SLC44A5: variants seen among roughly 807,000 people sequenced by gnomAD.
SLC44A5 encodes solute carrier family 44 member 5, also known as choline transporter-like protein 5.
In SLC44A5, 57 loss-of-function variants were observed where a neutral mutation model predicts 101.8. The ratio of observed to expected loss-of-function variants is 0.56; its 90% CI spans 0.45 to 0.70. The LOEUF is 0.70. Among genes scored for constraint, SLC44A5 ranks in the 30% least tolerant of loss-of-function variants. SLC44A5 has a pLI of 0.00. For synonymous variants in SLC44A5, 281 were observed against 290.9 expected, an observed-to-expected ratio of 0.97 and a Z score of 0.35; for missense variants, 737 against 853.1, an observed-to-expected ratio of 0.86 and a Z score of 1.70.
At position 75,203,671 on chromosome 1, in the gene SLC44A5, G is replaced by C; in HGVS notation, c.*56C>G. On this transcript the variant is annotated 3_prime_UTR_variant, in exon 24 of 24. Coordinates refer to ENST00000370859, the MANE Select transcript of SLC44A5 (RefSeq NM_001130058.2). ...GCACTTATGAAACAAATGTTGCACA[G>C]ACACAGCAGATGGAGAAAAGGTAAC... 1 of 1,509,410 alleles carries C rather than the reference G, an allele frequency of 6.6e-7. No individual in the cohort carries two copies. The highest frequency in any genetic ancestry group is 1.3e-5 in the South Asian group (1 of 76,318). The allele number at this position is 1,509,410 out of a possible 1,614,324, so 93.5% of individuals were successfully genotyped here.
chr1:75,311,626 C>A, intron 4 of SLC44A5: 1 of 944,488 alleles, frequency 1.1e-6, no homozygotes, highest in Middle Eastern at 5.4e-4. Flanking sequence ...TATTTTGTGC[C>A]GGATACTGTG....
At chr1:75,502,421 G>A (rs1669010157) in intron 2 of SLC44A5, among the ~76,000 whole-genome samples, 1 of 152,158 alleles carries the variant, frequency 6.6e-6, no homozygotes, top group African/African-American at 2.4e-5. Flanking sequence ...CCTTAACATG[G>A]CCTCATGGGA....
intron 2 of SLC44A5, among the ~76,000 whole-genome samples, chr1:75,409,279 A>G (rs1663115902): frequency 1.3e-5 from 2 of 152,192 alleles, no homozygotes; most frequent in African/African-American, 4.8e-5. Flanking sequence ...TAGTACCCTG[A>G]ATATATAACT....
At chr1:75,651,228 T>C in the SLC44A5 span, among the ~76,000 whole-genome samples, 1 of 152,156 alleles carries the variant, frequency 6.6e-6, no homozygotes, top group African/African-American at 2.4e-5. Flanking sequence ...AGCATGGTTG[T>C]AGTTTAGGGG....
intron 7 of SLC44A5, among the ~76,000 whole-genome samples, chr1:75,243,860 G>T (rs549931121): frequency 1.3e-5 from 2 of 152,054 alleles, no homozygotes; most frequent in African/African-American, 4.8e-5. Context: ...TGTTAATGGG[G>T]TGTTCATGAG....
At chr1:75,508,012 A>T (rs1459404689) in intron 2 of SLC44A5, among the ~76,000 whole-genome samples, 1 of 152,132 alleles carries the variant, frequency 6.6e-6, no homozygotes, top group Non-Finnish European at 1.5e-5. Flanking sequence ...TAAATTTAAC[A>T]CTTCATCAAT....
intron 4 of SLC44A5, among the ~76,000 whole-genome samples, chr1:75,315,447 A>G (rs1381079661): frequency 6.6e-6 from 1 of 152,066 alleles, no homozygotes; most frequent in Non-Finnish European, 1.5e-5. Context: ...CCAAACATGA[A>G]TTTCCCAGGA....
At chr1:75,298,362 A>C (rs1654136196) in intron 5 of SLC44A5, among the ~76,000 whole-genome samples, 4 of 152,180 alleles carry the variant, frequency 2.6e-5, no homozygotes, top group Admixed American at 2.6e-4. Flanking sequence ...ATTAATCTGG[A>C]GACATCACTG....
chr1:75,218,585 G>A lies in SLC44A5; in HGVS notation c.1434C>T (p.Ala478=). ...INFVIALGQC[A]LAGAFATYYW... ...AATAAGTAGCGAATGCACCAGCAAGGGCGCACTGACCTAATGCAATGACGA... is the reference window on the plus strand; with the variant it reads ...AATAAGTAGCGAATGCACCAGCAAGAGCGCACTGACCTAATGCAATGACGA... The change falls in exon 17 of 24, where the codon GCC becomes GCT. Residue 478 remains alanine (A), a synonymous_variant. Coordinates refer to ENST00000370859, the MANE Select transcript of SLC44A5 (RefSeq NM_001130058.2). The A allele has an allele frequency of 6.2e-7, 1 of 1,613,806 alleles. No homozygotes were observed. Among genetic ancestry groups the A allele is most frequent in the Admixed American group, 1.7e-5 (1 of 59,988 alleles).
At chr1:75,320,012 C>G (rs1267357142) in intron 4 of SLC44A5, among the ~76,000 whole-genome samples, 24 of 152,064 alleles carry the variant, frequency 1.6e-4, no homozygotes, top group Admixed American at 1.6e-3. Context: ...TCACTCTGAT[C>G]CTTTTCAAAT....
the SLC44A5 span, among the ~76,000 whole-genome samples, chr1:75,673,473 C>G: frequency 2.6e-5 from 4 of 152,090 alleles, no homozygotes; most frequent in Admixed American, 1.3e-4. Context: ...ACTGGACCTA[C>G]TAGGGGAAGG....
Position 75,206,366 on chromosome 1 carries a change from C to T in SLC44A5, c.2048-2533G>A, listed in dbSNP as rs1157115442. 4.3e-5 allele frequency: 17 copies of T among 399,228 alleles called. No individual in the cohort carries two copies. In the Admixed American group the frequency reaches 5.0e-4, roughly 12 times the overall value. The allele number at this position is 399,228 out of a possible 1,614,324, so 24.7% of individuals were successfully genotyped here. A position where few individuals can be genotyped will look rare whatever the true frequency, so the allele number is the denominator to read the frequency against. ...GTTATAAAAGTTATTAAAACACTCT[C>T]GGCTACAGATTTTAAAAAACGTTTG... is the stretch of plus-strand genomic sequence containing the variant. On this transcript the variant is annotated intron_variant, in intron 23 of 23. Coordinates refer to ENST00000370859, the MANE Select transcript of SLC44A5 (RefSeq NM_001130058.2).
At chr1:75,354,759 C>T (rs1177845589) in intron 3 of SLC44A5, among the ~76,000 whole-genome samples, 2 of 152,132 alleles carry the variant, frequency 1.3e-5, no homozygotes, top group East Asian at 3.9e-4. Flanking sequence ...TAAGTAAAAC[C>T]TCCTAGGTCT....
At chr1:75,690,233 C>T in the SLC44A5 span, among the ~76,000 whole-genome samples, 15 of 151,940 alleles carry the variant, frequency 9.9e-5, no homozygotes, top group South Asian at 2.1e-4. Context: ...AAGGTGAAGG[C>T]GAAACAAGGC....
intron 1 of SLC44A5, among the ~76,000 whole-genome samples, chr1:75,546,049 T>C (rs995481844): frequency 3.9e-5 from 6 of 152,022 alleles, no homozygotes; most frequent in African/African-American, 1.2e-4. Flanking sequence ...CTTGAACTCC[T>C]GGGCTCAAGT....
intron 23 of SLC44A5, chr1:75,204,847 G>A (rs986393121): frequency 1.1e-4 from 16 of 152,166 alleles, no homozygotes; most frequent in Admixed American, 4.6e-4. Flanking sequence ...AATTCACATC[G>A]TGGCTCACAT....
At chr1:75,685,903 G>A in the SLC44A5 span, among the ~76,000 whole-genome samples, 7 of 152,160 alleles carry the variant, frequency 4.6e-5, no homozygotes, top group Non-Finnish European at 8.8e-5. Flanking sequence ...AGGTTTAATT[G>A]ACTCACAGTT....
chr1:75,573,390 C>G (rs74091754), intron 1 of SLC44A5, among the ~76,000 whole-genome samples: 1,746 of 151,966 alleles, frequency 0.011, 23 homozygotes, highest in African/African-American at 0.04. Flanking sequence ...AGAATCAAAA[C>G]AAAAACAGTT....
At chr1:75,212,405 C>T (rs898018654) in intron 22 of SLC44A5, among the ~76,000 whole-genome samples, 37 of 152,010 alleles carry the variant, frequency 2.4e-4, no homozygotes, top group Admixed American at 6.6e-5. Flanking sequence ...TATGTGTACT[C>T]AATATTTACC....
Sources: allele counts gnomAD v4.1 joint callset (sites outside exome capture counted in the v4.1 genomes callset), GRCh38; gene constraint gnomAD v4.1.1; transcripts MANE v1.5; gene names NCBI Gene and HGNC (gene_info 2026-07-23, HGNC 2026-07-21).